The following CYLD variants were observed in gnomAD, a reference collection of about 807,000 sequenced individuals.
CYLD encodes ubiquitin carboxyl-terminal hydrolase CYLD.
CYLD carries 26 observed loss-of-function variants against 104.5 expected under a neutral mutation model. The ratio of observed to expected loss-of-function variants is 0.25; its 90% CI spans 0.18 to 0.35. The LOEUF (loss-of-function observed/expected upper bound fraction) is 0.35. CYLD is among the 10% of genes least tolerant of loss of function. The probability of loss-of-function intolerance (pLI) is 1.00; values close to 1 mark genes in which losing one functional copy is unlikely to be tolerated. For missense variants in CYLD, 703 were observed against 1,136.1 expected, an observed-to-expected ratio of 0.62 and a Z score of 5.48; for synonymous variants, 385 against 399.9, an observed-to-expected ratio of 0.96 and a Z score of 0.45.
intron 5 of CYLD, among the ~76,000 whole-genome samples, chr16:50,763,434 G>C (rs1404018623): frequency 6.6e-6 from 1 of 152,134 alleles, no homozygotes; most frequent in Non-Finnish European, 1.5e-5. Context: ...TTAACCATTT[G>C]TGGAACTGCC....
At chr16:50,761,593 C>A (rs1225117991) in intron 5 of CYLD, among the ~76,000 whole-genome samples, 1 of 152,116 alleles carries the variant, frequency 6.6e-6, no homozygotes, top group Non-Finnish European at 1.5e-5. Flanking sequence ...ATGTTTTTGA[C>A]TTTGGTGCTT....
At chr16:50,755,217 A>G (rs190010166) in intron 5 of CYLD, among the ~76,000 whole-genome samples, 115 of 145,688 alleles carry the variant, frequency 7.9e-4, no homozygotes, top group East Asian at 6.0e-4. Context: ...GTATATACAC[A>G]CGTGTACATA....
Position 50,755,028 on chromosome 16 carries a change from T to TAG in CYLD, c.913+605_913+606insGA, listed in dbSNP as rs1176458806. The stretch of plus-strand genomic sequence containing the variant: ...ATACATATATATGTATATATACATA[T>TAG]ATATGTATATATACATATATATGTA... On this transcript the variant is annotated intron_variant, in intron 5 of 18. Coordinates refer to ENST00000427738, the MANE Select transcript of CYLD (RefSeq NM_001378743.1). Among the ~76,000 whole-genome samples, 213 of 53,522 alleles carry TAG rather than the reference T, an allele frequency of 4.0e-3. 32 individuals carry two copies. The highest frequency in any genetic ancestry group is 3.9e-3 in the Non-Finnish European group (112 of 28,370). 35.1% of individuals were successfully genotyped at this position (53,522 alleles called of 152,430 possible).
rs562376985 is a variant in CYLD at position 50,801,754 on chromosome 16, G to C, written c.*5246G>C. The C allele has an allele frequency of 8.6e-6, 2 of 233,094 alleles. No individual in the cohort carries two copies. Among genetic ancestry groups the C allele is most frequent in the Non-Finnish European group, 1.7e-5 (2 of 117,794 alleles). The allele number at this position is 233,094 out of a possible 1,614,324, so 14.4% of individuals were successfully genotyped here. On this transcript the variant is annotated 3_prime_UTR_variant, in exon 19 of 19. Transcript: ENST00000427738. ...GTTTTATTTTTATTTCTTGTCTGCA[G>C]AACATCCTATATTTATGAGAACATT...
At chr16:50,776,852 G>A (rs904074814) in intron 7 of CYLD, among the ~76,000 whole-genome samples, 2 of 152,156 alleles carry the variant, frequency 1.3e-5, no homozygotes, top group African/African-American at 4.8e-5. Context: ...ACTCAGATGC[G>A]AGTTAGGAAA....
At chr16:50,785,230 C>G (rs1470260045) in intron 12 of CYLD, 1 of 152,028 alleles carries the variant, frequency 6.6e-6, no homozygotes, top group Non-Finnish European at 1.5e-5. Context: ...TATTTAAAGT[C>G]CATATTAAGA....
At chr16:50,795,512 A>G (rs561975000) in intron 18 of CYLD, 98 of 702,646 alleles carry the variant, frequency 1.4e-4, no homozygotes, top group Non-Finnish European at 2.1e-4. Context: ...TGTGACTCTC[A>G]TGTTCCTCCA....
intron 5 of CYLD, among the ~76,000 whole-genome samples, chr16:50,765,374 G>C (rs1045340176): frequency 2.0e-5 from 3 of 152,180 alleles, no homozygotes; most frequent in Non-Finnish European, 4.4e-5. Context: ...CATATAAGAT[G>C]ACAAACTCCA....
At position 50,750,108 on chromosome 16, in the gene CYLD, C is replaced by G. The variant is rs1175162652; in HGVS notation, c.410C>G (p.Ser137Cys). The G allele has an allele frequency of 3.7e-6, 6 of 1,613,982 alleles. No individual in the cohort carries two copies. In the South Asian group the frequency reaches 4.4e-5, roughly 12 times the overall value. The change falls in exon 3 of 19, where the codon TCT (serine) becomes TGT (cysteine). Residue 137 changes from serine (S) to cysteine (C), a missense_variant. Ser to Cys is a moderately radical substitution (Grantham distance 112). This residue lies in a region of CYLD where 142 missense variants were observed against 165.1 expected (regional missense o/e 0.86). Coordinates refer to ENST00000427738, the MANE Select transcript of CYLD (RefSeq NM_001378743.1). ...VGCPVKVQLRSGEEKFPGVVR... is the reference protein window; with the variant it reads ...VGCPVKVQLRCGEEKFPGVVR... ...TGTCCTGTGAAAGTACAGCTGAGAT[C>G]TGGGGAAGAAAAATTTCCTGGAGTT... is the stretch of plus-strand genomic sequence containing the variant.
In CYLD at chr16:50,794,048, C is replaced by A. The variant is rs1971718973; in HGVS notation, c.2470-164C>A. Among the ~76,000 whole-genome samples the A allele has an allele frequency of 6.6e-6, 1 of 152,050 alleles. No individual in the cohort carries two copies. The highest frequency in any genetic ancestry group is 2.1e-4 in the South Asian group (1 of 4,824). The stretch of plus-strand genomic sequence containing the variant: ...ATTTAAATGATTCTCCTGCCTCAGC[C>A]TCCCGAGTAGCTGGGACTGCAGGCG... On this transcript the variant is annotated intron_variant, in intron 17 of 18. Coordinates refer to ENST00000427738, the MANE Select transcript of CYLD (RefSeq NM_001378743.1). The surrounding 1 kb of genome is among the most constrained non-coding windows in gnomAD (Gnocchi z 4.1).
intron 14 of CYLD, 112 bp from the exon 15 acceptor site, chr16:50,791,446 A>G: frequency 9.3e-7 from 1 of 1,078,164 alleles, no homozygotes; most frequent in South Asian, 1.3e-5. Context: ...CCAAAGCTAC[A>G]CCATCAATTT....
chr16:50,772,081 C>T (rs1294662758), intron 5 of CYLD, among the ~76,000 whole-genome samples: 3 of 152,168 alleles, frequency 2.0e-5, no homozygotes, highest in Non-Finnish European at 4.4e-5. Flanking sequence ...TTGTGTACAT[C>T]TATACAAAAT....
rs144013604 is a variant in CYLD, at chr16:50,792,938, A to G, written c.2350+233A>G. On this transcript the variant is annotated intron_variant, in intron 16 of 18. Transcript: ENST00000427738. ...ATATACTTATTATTATATGATTAAGAAATTAGAAACAACTTGAATGTTAAC... is the reference window on the plus strand; with the variant it reads ...ATATACTTATTATTATATGATTAAGGAATTAGAAACAACTTGAATGTTAAC... 1.7e-3 allele frequency among the ~76,000 whole-genome samples: 265 copies of G among 152,346 alleles called. 3 individuals carry two copies. The highest frequency in any genetic ancestry group is 4.4e-3 in the East Asian group (23 of 5,190).
chr16:50,796,468 T>C lies in CYLD; in HGVS notation c.2831T>C (p.Met944Thr). 6.2e-7 allele frequency: 1 copy of C among 1,613,884 alleles called. No homozygotes were observed. Among genetic ancestry groups the C allele is most frequent in the Non-Finnish European group, 8.5e-7 (1 of 1,180,012 alleles). The change falls in exon 19 of 19, where the codon ATG becomes ACG. Residue 944 changes from methionine to threonine, a missense_variant. Transcript: ENST00000427738. ...CGAAGACTGCTTTGTGATGCATATATGTGCATGTACCAGAGTCCAACAATG... is the reference window on the plus strand; with the variant it reads ...CGAAGACTGCTTTGTGATGCATATACGTGCATGTACCAGAGTCCAACAATG... ...CARRLLCDAY[M>T]CMYQSPTMSL...
At chr16:50,752,162 G>C (rs1031334761) in intron 4 of CYLD, among the ~76,000 whole-genome samples, 2 of 151,582 alleles carry the variant, frequency 1.3e-5, no homozygotes, top group African/African-American at 4.8e-5. Context: ...AAATAGAACA[G>C]GGGTCTAGAT....
intron 18 of CYLD, chr16:50,795,476 G>C: frequency 1.4e-6 from 1 of 698,872 alleles, no homozygotes; most frequent in Non-Finnish European, 2.6e-6. Context: ...TGCAGGTTAA[G>C]ACCAGGCCTG....
chr16:50,791,725 A>T, intron 15 of CYLD, 35 bp downstream of exon 15: 1 of 1,608,554 alleles, frequency 6.2e-7, no homozygotes, highest in Non-Finnish European at 8.5e-7. Context: ...TTTATGTGAA[A>T]GTCTGTGGGA....
chr16:50,760,807 TC>T (rs1967823696), intron 5 of CYLD, among the ~76,000 whole-genome samples: 1 of 150,648 alleles, frequency 6.6e-6, no homozygotes. Context: ...ATATATATAT[TC>T]CCAGAAGTGG....
chr16:50,765,899 G>A (rs1031165988), intron 5 of CYLD, among the ~76,000 whole-genome samples: 39 of 152,250 alleles, frequency 2.6e-4, no homozygotes, highest in African/African-American at 8.7e-4. Flanking sequence ...TTGGAAGCTC[G>A]CACAGGTTGG....
Sources: gnomAD v4.1 joint callset for allele counts (sites outside exome capture counted in the v4.1 genomes callset) on GRCh38, gnomAD v4.1.1 for gene constraint, gnomAD v4.1.1 regional missense constraint, Gnocchi (gnomAD v3.1) non-coding constraint, MANE v1.5 for transcripts, NCBI Gene and HGNC (gene_info 2026-07-23, HGNC 2026-07-21) for gene names.